The following PCDHA12 variants were observed in gnomAD, a reference collection of about 807,000 sequenced individuals.
PCDHA12 encodes protocadherin alpha-12.
A neutral mutation model predicts 60.0 loss-of-function variants in PCDHA12; 44 were observed. That is an observed-to-expected ratio of 0.73 (90% CI 0.58 to 0.94). PCDHA12 has a LOEUF of 0.94. PCDHA12 is among the 40% of genes least tolerant of loss of function. The probability of loss-of-function intolerance (pLI) is 0.00; values close to 1 mark genes in which losing one functional copy is unlikely to be tolerated. For missense variants in PCDHA12, 1,276 were observed against 1,239.7 expected, an observed-to-expected ratio of 1.03 and a Z score of -0.44; for synonymous variants, 569 against 553.0, an observed-to-expected ratio of 1.03 and a Z score of -0.40.
At chr5:140,981,041 A>C (rs72802989) in intron 2 of PCDHA12, among the ~76,000 whole-genome samples, 7,382 of 152,278 alleles carry the variant, frequency 0.048, 205 homozygotes, top group Non-Finnish European at 0.065. Context: ...GGGAAAAAAA[A>C]CAGATAATTC....
At chr5:140,963,911 T>C (rs2095797811) in intron 1 of PCDHA12, among the ~76,000 whole-genome samples, 1 of 152,238 alleles carries the variant, frequency 6.6e-6, no homozygotes, top group African/African-American at 2.4e-5. Context: ...AAGTGAAGCT[T>C]AGGCTAAGTA....
chr5:140,989,696 T>G (rs1554251011), intron 3 of PCDHA12, among the ~76,000 whole-genome samples: 1 of 152,216 alleles, frequency 6.6e-6, no homozygotes, highest in African/African-American at 2.4e-5. Flanking sequence ...CGTGAAAATT[T>G]TATCTTCAGA....
At chr5:140,906,821 G>A (rs1354317622) in intron 1 of PCDHA12, among the ~76,000 whole-genome samples, 7 of 152,220 alleles carry the variant, frequency 4.6e-5, no homozygotes, top group Non-Finnish European at 7.3e-5. Flanking sequence ...CCACTGTGGA[G>A]TAGTAGACTG....
chr5:140,919,198 A>G (rs545072839), intron 1 of PCDHA12, among the ~76,000 whole-genome samples: 8 of 152,268 alleles, frequency 5.3e-5, no homozygotes, highest in Admixed American at 3.9e-4. Flanking sequence ...TCCTTTTGTC[A>G]TTATAAAATG....
Position 140,946,525 on chromosome 5 carries a change from A to G in PCDHA12, c.2368-32424A>G, listed in dbSNP as rs115610574. On this transcript the variant is annotated intron_variant, in intron 1 of 3. Transcript: ENST00000398631. ...ATGTCAAAGACCTATCCGCACTCCC[A>G]TGTTCATTGCAGCATTATTCATGAT... 6.9e-3 allele frequency among the ~76,000 whole-genome samples: 1,050 copies of G among 151,290 alleles called. 19 individuals carry two copies. The highest frequency in any genetic ancestry group is 0.024 in the African/African-American group (983 of 41,050).
At chr5:140,929,010 G>A in intron 1 of PCDHA12, 2 of 1,614,128 alleles carry the variant, frequency 1.2e-6, no homozygotes, top group Non-Finnish European at 1.7e-6. Flanking sequence ...TGTGTACCAA[G>A]TTGCACCAGA....
chr5:140,875,728 G>T lies in PCDHA12; in HGVS notation c.256G>T (p.Val86Leu). ...AAATCTGCAGAATGGCATTTTGTTTGTGAATTCTCGGATCGACCGCGAGAA... is the reference window on the plus strand; with the variant it reads ...AAATCTGCAGAATGGCATTTTGTTTTTGAATTCTCGGATCGACCGCGAGAA... ...EVNLQNGILF[V>L]NSRIDREKLC... Residue 86 changes from valine to leucine, a missense_variant, in exon 1 of 4, where the codon GTG (valine) becomes TTG (leucine). Transcript: ENST00000398631. The T allele has an allele frequency of 6.2e-7, 1 of 1,614,238 alleles. No homozygotes were observed. Among genetic ancestry groups the T allele is most frequent in the East Asian group, 2.2e-5 (1 of 44,884 alleles).
intron 2 of PCDHA12, among the ~76,000 whole-genome samples, chr5:140,979,795 A>G (rs781835728): frequency 6.6e-6 from 1 of 152,264 alleles, no homozygotes. Flanking sequence ...GAAACAAATG[A>G]TCACAACTAT....
rs202032784 is a variant in PCDHA12, at chr5:140,927,180, C to T, written c.2367+49341C>T. On this transcript the variant is annotated intron_variant, in intron 1 of 3. Coordinates refer to ENST00000398631, the MANE Select transcript of PCDHA12 (RefSeq NM_018903.4). ...GGGCCAAAGCTGCCTGCGTCTTGAC[C>T]TACGACCTGGTGCTCGAGGACCCGC... is the stretch of plus-strand genomic sequence containing the variant. 5 of 1,614,048 alleles carry T rather than the reference C, an allele frequency of 3.1e-6. No homozygotes were observed. The South Asian group carries it at 3.3e-5, about 11-fold the overall frequency.
chr5:140,957,063 C>T (rs2095330338), intron 1 of PCDHA12, among the ~76,000 whole-genome samples: 2 of 152,058 alleles, frequency 1.3e-5, no homozygotes, highest in African/African-American at 4.8e-5. Flanking sequence ...ATAAATGTGA[C>T]TGAGGGCTTT....
intron 1 of PCDHA12, among the ~76,000 whole-genome samples, chr5:140,977,549 A>G (rs2096765562): frequency 6.6e-6 from 1 of 152,210 alleles, no homozygotes; most frequent in African/African-American, 2.4e-5. Flanking sequence ...TTGCATATGC[A>G]TATCTTGCTA....
rs2056928091 is a variant in PCDHA12 at position 140,877,191 on chromosome 5, A to C, written c.1719A>C (p.Ala573=). 3 of 1,613,798 alleles carry C rather than the reference A, an allele frequency of 1.9e-6. No individual in the cohort carries two copies. The South Asian group carries it at 3.3e-5, about 18-fold the overall frequency. Reference sequence around the variant, plus strand: ...TGCTGGCGACTCCGGCTGGCAGCGCAGGAGGCGCAGTTAGCGAGTTGGTAC... The same window carrying C: ...TGCTGGCGACTCCGGCTGGCAGCGCCGGAGGCGCAGTTAGCGAGTTGGTAC... ...PALLATPAGS[A]GGAVSELVPR... The change falls in exon 1 of 4, where the codon GCA becomes GCC. Residue 573 remains alanine (A), a synonymous_variant. Transcript: ENST00000398631.
intron 3 of PCDHA12, among the ~76,000 whole-genome samples, chr5:140,998,363 A>G (rs568271579): frequency 6.6e-6 from 1 of 152,316 alleles, no homozygotes; most frequent in Admixed American, 6.5e-5. Flanking sequence ...TAACCACTGC[A>G]CACACCGTCT....
At chr5:140,930,446 C>T (rs891083222) in intron 1 of PCDHA12, 1 of 151,964 alleles carries the variant, frequency 6.6e-6, no homozygotes, top group Admixed American at 6.6e-5. Context: ...TGGTCTCAAA[C>T]TCCTAGCCTC....
chr5:140,900,831 T>G (rs1554189475), intron 1 of PCDHA12, among the ~76,000 whole-genome samples: 1 of 152,198 alleles, frequency 6.6e-6, no homozygotes, highest in Non-Finnish European at 1.5e-5. Context: ...CCACCAACAA[T>G]GTACAAAGTT....
At chr5:140,882,039 TGA>T (rs781834736) in intron 1 of PCDHA12, 12 of 658,206 alleles carry the variant, frequency 1.8e-5, no homozygotes, top group Non-Finnish European at 2.9e-5. Flanking sequence ...ATATGAAGAC[TGA>T]GTCATACTTA....
chr5:140,966,727 C>T (rs1330950109), intron 1 of PCDHA12: 4 of 1,405,404 alleles, frequency 2.8e-6, no homozygotes, highest in East Asian at 2.8e-5. Context: ...AAGCTGCCGC[C>T]TCCGGCCCTG....
intron 1 of PCDHA12, among the ~76,000 whole-genome samples, chr5:140,938,910 C>T (rs1467187970): frequency 6.6e-6 from 1 of 152,012 alleles, no homozygotes; most frequent in African/African-American, 2.4e-5. Context: ...CACACACACA[C>T]GCACAAGAAA....
intron 1 of PCDHA12, among the ~76,000 whole-genome samples, chr5:140,903,809 G>A (rs1004701576): frequency 2.0e-5 from 3 of 152,080 alleles, no homozygotes; most frequent in African/African-American, 7.2e-5. Flanking sequence ...GACAAGTATA[G>A]TTCTCACATG....
Sources: gnomAD v4.1 joint callset for allele counts (sites outside exome capture counted in the v4.1 genomes callset) on GRCh38, gnomAD v4.1.1 for gene constraint, MANE v1.5 for transcripts, NCBI Gene and HGNC (gene_info 2026-07-23, HGNC 2026-07-21) for gene names.